RAB11FIP3: variants seen among roughly 807,000 people sequenced by gnomAD.
The protein encoded by RAB11FIP3 is RAB11 family interacting protein 3.
RAB11FIP3 carries 17 observed loss-of-function variants against 77.8 expected under a neutral mutation model. The ratio of observed to expected loss-of-function variants is 0.22; its 90% CI spans 0.15 to 0.33. The LOEUF is 0.33. RAB11FIP3 is among the 10% of genes least tolerant of loss of function. The pLI is 1.00. For missense variants in RAB11FIP3, 1,005 were observed against 1,011.2 expected (o/e 0.99, Z 0.08); for synonymous variants, 437 against 448.2 (o/e 0.98, Z 0.31).
chr16:514,002 G>A lies in RAB11FIP3; in HGVS notation c.1640+3202G>A, dbSNP rs530073248. Among the ~76,000 whole-genome samples the A allele has an allele frequency of 1.3e-5, 2 of 152,366 alleles. No individual in the cohort carries two copies. The highest frequency in any genetic ancestry group is 2.1e-4 in the South Asian group (1 of 4,830). ...CTGGGGCTGAGGTTGGGGCACAGCCGTGTGGACATCCTGCCGCCTCTGTGT... is the reference window on the plus strand; with the variant it reads ...CTGGGGCTGAGGTTGGGGCACAGCCATGTGGACATCCTGCCGCCTCTGTGT... On this transcript the variant is annotated intron_variant, in intron 9 of 13. Transcript: ENST00000262305. The surrounding 1 kb of genome is among the most constrained non-coding windows in gnomAD (Gnocchi z 4.6).
At chr16:499,625 G>A (rs1164867851) in intron 6 of RAB11FIP3, among the ~76,000 whole-genome samples, 2 of 151,714 alleles carry the variant, frequency 1.3e-5, no homozygotes, top group African/African-American at 4.8e-5. Context: ...GTGAAACCCC[G>A]TCTCTACTAA....
chr16:518,554 C>T (rs1055616636), intron 9 of RAB11FIP3, among the ~76,000 whole-genome samples: 8 of 150,272 alleles, frequency 5.3e-5, no homozygotes, highest in East Asian at 1.9e-4. Context: ...GCGAAACCCC[C>T]TCTCTACTGA....
Position 426,583 on chromosome 16 carries a change from CT to C in RAB11FIP3, c.579del (p.Pro194ArgfsTer46). 6.3e-7 allele frequency: 1 copy of C among 1,598,048 alleles called. No homozygotes were observed. Among genetic ancestry groups the C allele is most frequent in the Admixed American group, 1.7e-5 (1 of 58,004 alleles). ...CTCGGACCTCAGCCAGACCCACCCC[CT>C]TCCGAGCGAGCCCGTGGGGAGTCAG... ...QPSDLSQTHP[L>X]PSEPVGSQED... On this transcript the variant is annotated frameshift_variant, in exon 1 of 14. Coordinates refer to ENST00000262305, the MANE Select transcript of RAB11FIP3 (RefSeq NM_014700.4). LOFTEE classifies it high-confidence loss of function. The surrounding 1 kb of genome is among the most constrained non-coding windows in gnomAD (Gnocchi z 5.0).
chr16:442,436 G>T (rs2055243394), intron 1 of RAB11FIP3, among the ~76,000 whole-genome samples: 4 of 152,162 alleles, frequency 2.6e-5, no homozygotes, highest in African/African-American at 9.7e-5. Context: ...TAGAACCCTC[G>T]TGAAGGGGGT....
At chr16:509,666 C>T (rs758244537) in intron 8 of RAB11FIP3, among the ~76,000 whole-genome samples, 1 of 152,194 alleles carries the variant, frequency 6.6e-6, no homozygotes, top group African/African-American at 2.4e-5. Flanking sequence ...CTGACACCTG[C>T]CCTGCCTCTG....
At chr16:435,366 A>G (rs932849874) in intron 1 of RAB11FIP3, among the ~76,000 whole-genome samples, 7 of 152,192 alleles carry the variant, frequency 4.6e-5, no homozygotes, top group African/African-American at 1.7e-4. Flanking sequence ...AATTCTGGAA[A>G]CATTCAATGT....
At chr16:441,425 C>T (rs894857613) in intron 1 of RAB11FIP3, among the ~76,000 whole-genome samples, 4 of 152,166 alleles carry the variant, frequency 2.6e-5, no homozygotes, top group African/African-American at 7.2e-5. Flanking sequence ...CATGTTCTCA[C>T]GGGGGGTGAG....
chr16:483,027 A>G (rs1328837849), intron 4 of RAB11FIP3, among the ~76,000 whole-genome samples: 1 of 152,076 alleles, frequency 6.6e-6, no homozygotes, highest in Admixed American at 6.6e-5. Flanking sequence ...ATAGAAGTGA[A>G]TGTCTCGGCA....
rs1427753367 is a variant in RAB11FIP3, at chr16:488,393, A to G, written c.1116-458A>G. 4.0e-5 allele frequency among the ~76,000 whole-genome samples: 6 copies of G among 150,636 alleles called. No individual in the cohort carries two copies. The East Asian group carries it at 1.2e-3, about 29-fold the overall frequency. On this transcript the variant is annotated intron_variant, in intron 4 of 13. Coordinates refer to ENST00000262305, the MANE Select transcript of RAB11FIP3 (RefSeq NM_014700.4). ...AGACTCTGTCTCAAAAAAAAAGGTA[A>G]AGAAACAGATTTATTTATTTATTTT...
In RAB11FIP3 at chr16:426,582, C is replaced by G. The variant is rs529816965; in HGVS notation, c.576C>G (p.Pro192=). 26 of 1,597,906 alleles carry G rather than the reference C, an allele frequency of 1.6e-5. 1 individual carries two copies. Among genetic ancestry groups the G allele is most frequent in the Non-Finnish European group, 1.6e-5 (19 of 1,173,702 alleles). The change falls in exon 1 of 14, where the codon CCC becomes CCG. Residue 192 remains proline, a synonymous_variant. Transcript: ENST00000262305. The surrounding 1 kb of genome is among the most constrained non-coding windows in gnomAD (Gnocchi z 5.0). ...CCTCGGACCTCAGCCAGACCCACCCCCTTCCGAGCGAGCCCGTGGGGAGTC... is the reference window on the plus strand; with the variant it reads ...CCTCGGACCTCAGCCAGACCCACCCGCTTCCGAGCGAGCCCGTGGGGAGTC... ...PQPSDLSQTH[P]LPSEPVGSQE...
intron 1 of RAB11FIP3, among the ~76,000 whole-genome samples, chr16:427,604 T>G (rs1184646122): frequency 6.6e-6 from 1 of 152,252 alleles, no homozygotes; most frequent in Non-Finnish European, 1.5e-5. Context: ...GGACATCAAA[T>G]AATACCAGTG....
chr16:488,128 C>G (rs1160833333), intron 4 of RAB11FIP3, among the ~76,000 whole-genome samples: 1 of 152,218 alleles, frequency 6.6e-6, no homozygotes, highest in Non-Finnish European at 1.5e-5. Flanking sequence ...CGCCTGTAAT[C>G]CCAACACTTT....
intron 3 of RAB11FIP3, chr16:477,729 G>T (rs2055947816): frequency 1.1e-6 from 1 of 941,898 alleles, no homozygotes; most frequent in Admixed American, 6.2e-5. Context: ...TGCTCTTGAG[G>T]AATGACTTAG....
chr16:468,158 GCC>G (rs1202303551), intron 2 of RAB11FIP3, among the ~76,000 whole-genome samples: 1 of 72,498 alleles, frequency 1.4e-5, no homozygotes, highest in Admixed American at 1.2e-4. Flanking sequence ...AGGTGCAGGG[GCC>G]TCAGGGAGGA....
intron 9 of RAB11FIP3, among the ~76,000 whole-genome samples, chr16:517,794 G>C (rs1345456592): frequency 1.3e-5 from 2 of 151,764 alleles, no homozygotes; most frequent in African/African-American, 4.8e-5. Flanking sequence ...TTTTGATACA[G>C]GATCTTGGCC....
chr16:469,945 G>T (rs1226529910), intron 2 of RAB11FIP3, among the ~76,000 whole-genome samples: 1 of 152,160 alleles, frequency 6.6e-6, no homozygotes, highest in Non-Finnish European at 1.5e-5. Context: ...GAGTAGCTAA[G>T]ACTACAGGTG....
At chr16:494,615 C>T (rs2030935307) in intron 5 of RAB11FIP3, among the ~76,000 whole-genome samples, 1 of 151,602 alleles carries the variant, frequency 6.6e-6, no homozygotes, top group Non-Finnish European at 1.5e-5. Flanking sequence ...CAGTGAGACT[C>T]CATCTTAAAA....
chr16:457,725 T>C (rs2141635000), intron 1 of RAB11FIP3, among the ~76,000 whole-genome samples: 2 of 152,324 alleles, frequency 1.3e-5, no homozygotes, highest in South Asian at 4.1e-4. Flanking sequence ...TAATGATTTG[T>C]TTAAAAAATA....
intron 3 of RAB11FIP3, among the ~76,000 whole-genome samples, chr16:473,421 C>T (rs1384304792): frequency 3.3e-5 from 5 of 151,826 alleles, no homozygotes; most frequent in Admixed American, 1.3e-4. Context: ...TCCGGGATCA[C>T]GTTACATGAT....
Sources: allele counts gnomAD v4.1 joint callset (sites outside exome capture counted in the v4.1 genomes callset), GRCh38; gene constraint gnomAD v4.1.1; non-coding constraint Gnocchi (gnomAD v3.1); transcripts MANE v1.5; gene names NCBI Gene and HGNC (gene_info 2026-07-23, HGNC 2026-07-21).